The following HERC2 variants were observed in gnomAD, a reference collection of about 807,000 sequenced individuals.
HERC2 encodes the protein E3 ubiquitin-protein ligase HERC2.
Under a neutral mutation model 537.7 loss-of-function variants are expected in HERC2, and 102 were observed. That is an observed-to-expected ratio of 0.19 (90% CI 0.16 to 0.22). The LOEUF is 0.22. Ranked by LOEUF, HERC2 falls within the 10% of genes least tolerant of loss-of-function variation. The pLI is 1.00. For missense variants in HERC2, 4,236 were observed against 6,198.2 expected, an observed-to-expected ratio of 0.68 and a Z score of 10.63; for synonymous variants, 2,224 against 2,466.2, an observed-to-expected ratio of 0.90 and a Z score of 2.91.
intron 49 of HERC2, 22 bp from the exon 50 acceptor site, chr15:28,198,525 C>A: frequency 6.2e-7 from 1 of 1,611,284 alleles, no homozygotes; most frequent in Non-Finnish European, 8.5e-7. Flanking sequence ...AATAACAAAT[C>A]ATTATAATCA....
Position 28,135,461 on chromosome 15 carries a change from A to C in HERC2, c.12230+17T>G. The C allele has an allele frequency of 6.3e-7, 1 of 1,592,536 alleles. No individual in the cohort carries two copies. The highest frequency in any genetic ancestry group is 2.2e-5 in the East Asian group (1 of 44,646). On this transcript the variant is annotated intron_variant, in intron 79 of 92. Coordinates refer to ENST00000261609, the MANE Select transcript of HERC2 (RefSeq NM_004667.6). ...CAAAGACAAATAGAATGTTGAAATA[A>C]TTTTTTCACATCATACCTTCTGTTG...
intron 5 of HERC2, among the ~76,000 whole-genome samples, chr15:28,279,004 T>C (rs1300068305): frequency 2.0e-5 from 3 of 152,212 alleles, no homozygotes; most frequent in Non-Finnish European, 1.5e-5. Context: ...GCATCTCTTT[T>C]TTTTGCTTCT....
At chr15:28,140,753 A>C (rs1380421880) in intron 78 of HERC2, among the ~76,000 whole-genome samples, 5 of 151,090 alleles carry the variant, frequency 3.3e-5, no homozygotes, top group Non-Finnish European at 7.4e-5. Flanking sequence ...AACTCCTGAC[A>C]TCAGGTGATC....
In HERC2 at chr15:28,172,162, T is replaced by C. The variant is rs550884996; in HGVS notation, c.10057+2233A>G. ...ACCTAAAAAATAAAGAGAAACACTA[T>C]GTTCATGGGTTAGAAGACTGAATAC... On this transcript the variant is annotated intron_variant, in intron 65 of 92. Transcript: ENST00000261609. Among the ~76,000 whole-genome samples, 328 of 151,954 alleles carry C rather than the reference T, an allele frequency of 2.2e-3. 3 individuals are homozygous for C. The highest frequency in any genetic ancestry group is 7.7e-3 in the African/African-American group (320 of 41,394).
intron 69 of HERC2, among the ~76,000 whole-genome samples, chr15:28,160,685 T>G (rs1893502184): frequency 6.6e-6 from 1 of 152,232 alleles, no homozygotes; most frequent in Non-Finnish European, 1.5e-5. Context: ...GCTTCCCAGG[T>G]GAGGCGATGC....
At chr15:28,298,758 T>G (rs1240032973) in intron 3 of HERC2, 1 of 152,032 alleles carries the variant, frequency 6.6e-6, no homozygotes, top group East Asian at 1.9e-4. Context: ...ATCGCGCCAC[T>G]GTACTCCAGC....
chr15:28,201,417 A>T (rs1302230310), intron 48 of HERC2, 39 bp downstream of exon 48: 5 of 1,305,932 alleles, frequency 3.8e-6, no homozygotes, highest in Non-Finnish European at 5.6e-6. Flanking sequence ...TTGCTGAATG[A>T]AAAACGGATC....
intron 28 of HERC2, 47 bp downstream of exon 28, chr15:28,233,617 G>C (rs188959122): frequency 2.5e-6 from 4 of 1,613,564 alleles, no homozygotes; most frequent in Non-Finnish European, 3.4e-6. Flanking sequence ...CAGGTTAGTC[G>C]AGGAATCTGC....
intron 5 of HERC2, among the ~76,000 whole-genome samples, chr15:28,278,555 G>A (rs1040579653): frequency 6.6e-6 from 1 of 151,864 alleles, no homozygotes; most frequent in African/African-American, 2.4e-5. Context: ...CTGTGGATGT[G>A]AAACCCACAG....
At position 28,111,833 on chromosome 15, in the gene HERC2, T is replaced by A; in HGVS notation, c.14435A>T (p.Asp4812Val). 1 of 1,614,246 alleles carries A rather than the reference T, an allele frequency of 6.2e-7. No individual in the cohort carries two copies. Among genetic ancestry groups the A allele is most frequent in the South Asian group, 1.1e-5 (1 of 91,090 alleles). Residue 4812 changes from aspartate to valine, a missense_variant, in exon 93 of 93, where the codon GAC (aspartate) becomes GTC (valine). Asp to Val is a radical substitution (Grantham distance 152, BLOSUM62 -3). Coordinates refer to ENST00000261609, the MANE Select transcript of HERC2 (RefSeq NM_004667.6). The stretch of plus-strand genomic sequence containing the variant: ...GTCGACATCCTCGTTATCTGAATCG[T>A]CGCTGCTGTCGTCGGCGGCTGGCTC... ...TGEPAADDSS[D>V]DSDNEDVDSF...
chr15:28,311,906 A>G (rs1463014757), intron 2 of HERC2, among the ~76,000 whole-genome samples: 2 of 152,166 alleles, frequency 1.3e-5, no homozygotes, highest in Non-Finnish European at 2.9e-5. Flanking sequence ...TGGAACATTT[A>G]AAGACTAAGC....
rs529123723 is a variant in HERC2, at chr15:28,130,790, C to T, written c.12571-196G>A. Among the ~76,000 whole-genome samples, 3 of 152,364 alleles carry T rather than the reference C, an allele frequency of 2.0e-5. No homozygotes were observed. The South Asian group carries it at 6.2e-4, about 32-fold the overall frequency. ...GCAGGCGGGACCGTGACTGACAGCA[C>T]ACCCGTTGGCACACTGTGGCCCGGT... On this transcript the variant is annotated intron_variant, in intron 81 of 92. Transcript: ENST00000261609.
chr15:28,120,486 A>T (rs1048044412), intron 86 of HERC2, among the ~76,000 whole-genome samples: 1 of 152,256 alleles, frequency 6.6e-6, no homozygotes, highest in Non-Finnish European at 1.5e-5. Flanking sequence ...CAAGTTCTGC[A>T]CGCTATCATC....
chr15:28,113,367 C>A lies in HERC2; in HGVS notation c.14020-84G>T. On this transcript the variant is annotated intron_variant, in intron 91 of 92. Coordinates refer to ENST00000261609, the MANE Select transcript of HERC2 (RefSeq NM_004667.6). The surrounding 1 kb of genome is among the most constrained non-coding windows in gnomAD (Gnocchi z 7.0). ...ACTCCGTCACGCTCCCTCTCTACAC[C>A]AAGGCCTGTTTGGGGTGGGGAAAGG... 7.0e-7 allele frequency: 1 copy of A among 1,419,240 alleles called. No individual in the cohort carries two copies. Among genetic ancestry groups the A allele is most frequent in the Non-Finnish European group, 9.8e-7 (1 of 1,018,652 alleles). 87.9% of individuals were successfully genotyped at this position (1,419,240 alleles called of 1,614,324 possible).
intron 56 of HERC2, among the ~76,000 whole-genome samples, chr15:28,185,132 A>G (rs1379449182): frequency 6.6e-6 from 1 of 151,704 alleles, no homozygotes; most frequent in African/African-American, 2.4e-5. Flanking sequence ...ACTTCTACAC[A>G]AAGTTTCTGA....
In HERC2 at chr15:28,192,231, A is replaced by C. The variant is rs529561397; in HGVS notation, c.8261-80T>G. On this transcript the variant is annotated intron_variant, in intron 52 of 92. Coordinates refer to ENST00000261609, the MANE Select transcript of HERC2 (RefSeq NM_004667.6). ...TCATGATCAAGAATATTACATAGTA[A>C]GGAGCTTCTTAAAGAAAAATAGAAA... 4.1e-6 allele frequency: 5 copies of C among 1,215,582 alleles called. No homozygotes were observed. In the African/African-American group the frequency reaches 6.0e-5, roughly 15 times the overall value. The allele number at this position is 1,215,582 out of a possible 1,614,324, so 75.3% of individuals were successfully genotyped here. A position where few individuals can be genotyped will look rare whatever the true frequency, so the allele number is the denominator to read the frequency against.
intron 39 of HERC2, among the ~76,000 whole-genome samples, chr15:28,215,373 C>T (rs3901525): frequency 5.3e-5 from 8 of 151,848 alleles, no homozygotes; most frequent in African/African-American, 9.7e-5. Flanking sequence ...AATTACACTA[C>T]AAATTCTGTG....
rs1325266407 is a variant in HERC2, at chr15:28,230,389, G to A, written c.4787C>T (p.Pro1596Leu). The A allele has an allele frequency of 1.3e-6, 2 of 1,554,808 alleles. No homozygotes were observed. The highest frequency in any genetic ancestry group is 1.7e-6 in the Non-Finnish European group (2 of 1,143,274). Reference sequence around the variant, plus strand: ...CACCTTGGGTGATTTAATTGCAATGGGTCTCTTGTCCACATTTATTGGACT... The same window carrying A: ...CACCTTGGGTGATTTAATTGCAATGAGTCTCTTGTCCACATTTATTGGACT... ...PHSPINVDKRPIAIKSPKDKW... is the reference protein window; with the variant it reads ...PHSPINVDKRLIAIKSPKDKW... Residue 1596 changes from proline to leucine, a missense_variant, in exon 31 of 93, where the codon CCC becomes CTC. By Grantham distance (98) the Pro-to-Leu change is moderately conservative. Coordinates refer to ENST00000261609, the MANE Select transcript of HERC2 (RefSeq NM_004667.6).
At chr15:28,201,269 T>C (rs566001853) in intron 48 of HERC2, among the ~76,000 whole-genome samples, 187 bp downstream of exon 48, 1 of 152,340 alleles carries the variant, frequency 6.6e-6, no homozygotes, top group East Asian at 1.9e-4. Flanking sequence ...CTGTTCTTTC[T>C]CATTCCAGGG....
Sources: gnomAD v4.1 joint callset for allele counts (sites outside exome capture counted in the v4.1 genomes callset) on GRCh38, gnomAD v4.1.1 for gene constraint, Gnocchi (gnomAD v3.1) non-coding constraint, MANE v1.5 for transcripts, NCBI Gene and HGNC (gene_info 2026-07-23, HGNC 2026-07-21) for gene names.